The following RNF187 variants were observed in gnomAD, a reference collection of about 807,000 sequenced individuals.
RNF187 encodes E3 ubiquitin-protein ligase RNF187.
A neutral mutation model predicts 22.2 loss-of-function variants in RNF187; 18 were observed. The observed-to-expected ratio is 0.81, with a 90% confidence interval of 0.56 to 1.20. The LOEUF (loss-of-function observed/expected upper bound fraction) is 1.20, where lower values mean the gene tolerates loss of function less well. RNF187 is among the 50% of genes most tolerant of loss of function. The probability of loss-of-function intolerance (pLI) is 0.00; values close to 1 mark genes in which losing one functional copy is unlikely to be tolerated. For synonymous variants in RNF187, 164 were observed against 140.9 expected (o/e 1.16, Z -1.16); for missense variants, 329 against 317.6 (o/e 1.04, Z -0.27).
At position 228,493,373 on chromosome 1, in the gene RNF187, G is replaced by A; in HGVS notation, c.705+99G>A. The A allele has an allele frequency of 6.8e-7, 1 of 1,468,686 alleles. No individual in the cohort carries two copies. Among genetic ancestry groups the A allele is most frequent in the African/African-American group, 1.4e-5 (1 of 71,114 alleles). 91.0% of individuals were successfully genotyped at this position (1,468,686 alleles called of 1,614,324 possible). A position where few individuals can be genotyped will look rare whatever the true frequency, so the allele number is the denominator to read the frequency against. On this transcript the variant is annotated intron_variant, in intron 3 of 3. Coordinates refer to ENST00000305943, the MANE Select transcript of RNF187 (RefSeq NM_001010858.3). The surrounding 1 kb of genome is among the most constrained non-coding windows in gnomAD (Gnocchi z 4.7). ...CATTGCCCGAAGTCAAGGCTTAAAAGCCCAGCCTGACTCCCACTGCCGTGG... is the reference window on the plus strand; with the variant it reads ...CATTGCCCGAAGTCAAGGCTTAAAAACCCAGCCTGACTCCCACTGCCGTGG...
intron 2 of RNF187, among the ~76,000 whole-genome samples, chr1:228,492,359 ATTGTTTTTTTTT>A: frequency 6.8e-6 from 1 of 146,582 alleles, no homozygotes; most frequent in Non-Finnish European, 1.5e-5. Flanking sequence ...CTCTTCTGTT[ATTGTTTTTTTTT>A]TTGTTTTTTG....
intron 2 of RNF187, among the ~76,000 whole-genome samples, 179 bp from the exon 3 acceptor site, chr1:228,492,869 CGCCTT>C: frequency 3.3e-5 from 5 of 151,390 alleles, no homozygotes; most frequent in African/African-American, 1.2e-4. Flanking sequence ...ATGATCCGCC[CGCCTT>C]GGCCTCCTGG....
intron 2 of RNF187, among the ~76,000 whole-genome samples, chr1:228,490,889 GGT>G: frequency 2.0e-5 from 3 of 152,168 alleles, no homozygotes; most frequent in East Asian, 1.9e-4. Flanking sequence ...TGGCAAGATG[GGT>G]GTGTGTCCTG....
chr1:228,494,190 TG>T lies in RNF187; in HGVS notation c.*307del. On this transcript the variant is annotated 3_prime_UTR_variant, in exon 4 of 4. Coordinates refer to ENST00000305943, the MANE Select transcript of RNF187 (RefSeq NM_001010858.3). ...GGCAGCTCTGGGTCATGCCCTTCCCTGGTCACCCATCTGCCCCTCACCTCGT... is the reference window on the plus strand; with the variant it reads ...GGCAGCTCTGGGTCATGCCCTTCCCTGTCACCCATCTGCCCCTCACCTCGT... 7.4e-7 allele frequency: 1 copy of T among 1,354,732 alleles called. No homozygotes were observed. Among genetic ancestry groups the T allele is most frequent in the Non-Finnish European group, 9.5e-7 (1 of 1,051,714 alleles). 83.9% of individuals were successfully genotyped at this position (1,354,732 alleles called of 1,614,324 possible). A position where few individuals can be genotyped will look rare whatever the true frequency, so the allele number is the denominator to read the frequency against.
chr1:228,491,660 G>A, intron 2 of RNF187, among the ~76,000 whole-genome samples: 1 of 152,034 alleles, frequency 6.6e-6, no homozygotes, highest in South Asian at 2.1e-4. Flanking sequence ...GGCTGGTCTT[G>A]AACTCCTGAC....
In RNF187 at chr1:228,495,612, G is replaced by T; in HGVS notation, c.*1727G>T. 3 of 985,570 alleles carry T rather than the reference G, an allele frequency of 3.0e-6. No homozygotes were observed. Among genetic ancestry groups the T allele is most frequent in the African/African-American group, 1.7e-5 (1 of 57,310 alleles). The allele number at this position is 985,570 out of a possible 1,614,324, so 61.1% of individuals were successfully genotyped here. ...TGTGATGCTTGCCCGGACAGGTCCTGATGGCAGAGTCTCCCACAACATCAG... is the reference window on the plus strand; with the variant it reads ...TGTGATGCTTGCCCGGACAGGTCCTTATGGCAGAGTCTCCCACAACATCAG... On this transcript the variant is annotated 3_prime_UTR_variant, in exon 4 of 4. Coordinates refer to ENST00000305943, the MANE Select transcript of RNF187 (RefSeq NM_001010858.3).
At position 228,494,454 on chromosome 1, in the gene RNF187, T is replaced by C; in HGVS notation, c.*569T>C. 6,690 of 990,406 alleles carry C rather than the reference T, an allele frequency of 6.8e-3. 28 individuals carry two copies. Among genetic ancestry groups the C allele is most frequent in the Non-Finnish European group, 7.8e-3 (6,467 of 832,718 alleles). 61.4% of individuals were successfully genotyped at this position (990,406 alleles called of 1,614,324 possible). On this transcript the variant is annotated 3_prime_UTR_variant, in exon 4 of 4. Coordinates refer to ENST00000305943, the MANE Select transcript of RNF187 (RefSeq NM_001010858.3). ...GGTGGGCGTGGGCCCGGCCCAGCCT[T>C]ATCCAAGTCGCTCTGTCCACCTCCC...
Position 228,494,443 on chromosome 1 carries a change from C to T in RNF187, c.*558C>T. On this transcript the variant is annotated 3_prime_UTR_variant, in exon 4 of 4. Transcript: ENST00000305943. ...CCCCCTCTTGAGGTGGGCGTGGGCCCGGCCCAGCCTTATCCAAGTCGCTCT... is the reference window on the plus strand; with the variant it reads ...CCCCCTCTTGAGGTGGGCGTGGGCCTGGCCCAGCCTTATCCAAGTCGCTCT... 1.2e-5 allele frequency: 12 copies of T among 992,470 alleles called. No homozygotes were observed. Among genetic ancestry groups the T allele is most frequent in the East Asian group, 1.1e-4 (1 of 9,136 alleles). The allele number at this position is 992,470 out of a possible 1,614,324, so 61.5% of individuals were successfully genotyped here.
intron 2 of RNF187, among the ~76,000 whole-genome samples, chr1:228,489,673 G>A: frequency 6.6e-6 from 1 of 152,150 alleles, no homozygotes; most frequent in Non-Finnish European, 1.5e-5. Context: ...CAAGATGAAG[G>A]AACTGGCAGA....
At chr1:228,492,171 C>T in intron 2 of RNF187, among the ~76,000 whole-genome samples, 1 of 152,164 alleles carries the variant, frequency 6.6e-6, no homozygotes, top group Non-Finnish European at 1.5e-5. Context: ...TTACCTCAGC[C>T]TCCCGAGTTG....
intron 1 of RNF187, 143 bp from the exon 2 acceptor site, chr1:228,488,817 C>G: frequency 1.2e-5 from 8 of 651,152 alleles, no homozygotes; most frequent in Admixed American, 7.9e-5. Context: ...CTGTGCGTTC[C>G]TGCCCTAGAC....
Position 228,494,094 on chromosome 1 carries a change from C to G in RNF187, c.*209C>G. Reference sequence around the variant, plus strand: ...CAAACACCTCCCGGTAGAGGCTGGACCTGAGGACCCTTCCCACCTGTGCCC... The same window carrying G: ...CAAACACCTCCCGGTAGAGGCTGGAGCTGAGGACCCTTCCCACCTGTGCCC... On this transcript the variant is annotated 3_prime_UTR_variant, in exon 4 of 4. Transcript: ENST00000305943. 2 of 1,468,650 alleles carry G rather than the reference C, an allele frequency of 1.4e-6. No individual in the cohort carries two copies. The highest frequency in any genetic ancestry group is 1.8e-6 in the Non-Finnish European group (2 of 1,111,690). 91.0% of individuals were successfully genotyped at this position (1,468,650 alleles called of 1,614,324 possible).
chr1:228,493,944 T>C lies in RNF187; in HGVS notation c.*59T>C. 5 of 1,551,600 alleles carry C rather than the reference T, an allele frequency of 3.2e-6. No individual in the cohort carries two copies. The highest frequency in any genetic ancestry group is 1.2e-5 in the South Asian group (1 of 84,066). On this transcript the variant is annotated 3_prime_UTR_variant, in exon 4 of 4. Transcript: ENST00000305943. This position sits in a 1 kb window ranked among gnomAD's most constrained non-coding sequence, Gnocchi z 4.7. ...GCAGGAGGATGGATCCTCATCTCCA[T>C]GGGAAGTGTCAGCGTGTGGCTGCCA...
chr1:228,488,735 T>C, intron 1 of RNF187, among the ~76,000 whole-genome samples: 1 of 152,204 alleles, frequency 6.6e-6, no homozygotes, highest in Non-Finnish European at 1.5e-5. Context: ...TAAACCCACC[T>C]AGACAGTCCC....
chr1:228,494,525 C>T lies in RNF187; in HGVS notation c.*640C>T. The T allele has an allele frequency of 6.1e-6, 6 of 986,410 alleles. No individual in the cohort carries two copies. Among genetic ancestry groups the T allele is most frequent in the Non-Finnish European group, 7.2e-6 (6 of 830,624 alleles). 61.1% of individuals were successfully genotyped at this position (986,410 alleles called of 1,614,324 possible). A position where few individuals can be genotyped will look rare whatever the true frequency, so the allele number is the denominator to read the frequency against. ...CTCCTGTGCCTCCCAGGAGCCCTCC[C>T]TGTGCTCCACCTGCCTCCGCAGAAG... On this transcript the variant is annotated 3_prime_UTR_variant, in exon 4 of 4. Transcript: ENST00000305943.
At chr1:228,490,691 G>A in intron 2 of RNF187, among the ~76,000 whole-genome samples, 1 of 152,220 alleles carries the variant, frequency 6.6e-6, no homozygotes, top group East Asian at 1.9e-4. Flanking sequence ...TGTGGCCCAG[G>A]GCCAGGTGGA....
chr1:228,494,100 G>A lies in RNF187; in HGVS notation c.*215G>A. The A allele has an allele frequency of 6.8e-7, 1 of 1,465,730 alleles. No homozygotes were observed. Among genetic ancestry groups the A allele is most frequent in the South Asian group, 1.4e-5 (1 of 72,978 alleles). 90.8% of individuals were successfully genotyped at this position (1,465,730 alleles called of 1,614,324 possible). A position where few individuals can be genotyped will look rare whatever the true frequency, so the allele number is the denominator to read the frequency against. The stretch of plus-strand genomic sequence containing the variant: ...CCTCCCGGTAGAGGCTGGACCTGAG[G>A]ACCCTTCCCACCTGTGCCCGTCCCT... On this transcript the variant is annotated 3_prime_UTR_variant, in exon 4 of 4. Transcript: ENST00000305943.
At position 228,493,407 on chromosome 1, in the gene RNF187, G is replaced by A; in HGVS notation, c.705+133G>A. On this transcript the variant is annotated intron_variant, in intron 3 of 3. Transcript: ENST00000305943. This position sits in a 1 kb window ranked among gnomAD's most constrained non-coding sequence, Gnocchi z 4.7. The stretch of plus-strand genomic sequence containing the variant: ...GACTCCCACTGCCGTGGCCTTGCAG[G>A]GCTGAATTTCGGGAATGGGTGGGTG... 4 of 1,441,588 alleles carry A rather than the reference G, an allele frequency of 2.8e-6. No individual in the cohort carries two copies. In the Admixed American group the frequency reaches 1.1e-4, roughly 39 times the overall value. The allele number at this position is 1,441,588 out of a possible 1,614,324, so 89.3% of individuals were successfully genotyped here. A position where few individuals can be genotyped will look rare whatever the true frequency, so the allele number is the denominator to read the frequency against.
chr1:228,490,592 A>G, intron 2 of RNF187, among the ~76,000 whole-genome samples: 1 of 152,192 alleles, frequency 6.6e-6, no homozygotes, highest in Non-Finnish European at 1.5e-5. Flanking sequence ...AGCGTGTTGC[A>G]TCAGCCAGCC....
Sources: allele counts gnomAD v4.1 joint callset (sites outside exome capture counted in the v4.1 genomes callset), GRCh38; gene constraint gnomAD v4.1.1; non-coding constraint Gnocchi (gnomAD v3.1); transcripts MANE v1.5; gene names NCBI Gene and HGNC (gene_info 2026-07-23, HGNC 2026-07-21).